TAS2R60: variants seen among roughly 807,000 people sequenced by gnomAD.
The protein encoded by TAS2R60 is taste receptor type 2 member 60.
Under a neutral mutation model 19.5 loss-of-function variants are expected in TAS2R60, and 16 were observed. The observed-to-expected ratio is 0.82, with a 90% CI of 0.55 to 1.24. The LOEUF (loss-of-function observed/expected upper bound fraction) is 1.24. Ranked by LOEUF, TAS2R60 falls within the 50% of genes most tolerant of loss-of-function variation. TAS2R60 has a pLI of 0.00. For missense variants in TAS2R60, 362 were observed against 382.7 expected (o/e 0.95, Z 0.45); for synonymous variants, 141 against 143.3 (o/e 0.98, Z 0.11).
the TAS2R60 span, chr7:143,444,016 C>G: frequency 1.7e-4 from 275 of 1,614,212 alleles, no homozygotes; most frequent in African/African-American, 3.0e-3. Flanking sequence ...TACGGAGCTA[C>G]TGTGAGAAAT....
In TAS2R60 at chr7:143,444,106, A is replaced by G. The variant is rs200500918; in HGVS notation, c.654A>G (p.Thr218=). The stretch of plus-strand genomic sequence containing the variant: ...TCATTTGCATGATTTTGCTCATCAC[A>G]TCTCTGGGAAGACACAGGAAGAAGG... The part of the protein sequence containing the change: ...VFFICMILLI[T]SLGRHRKKAL... The change falls in exon 1 of 1, where the codon ACA becomes ACG. Residue 218 remains threonine (T), a synonymous_variant. Transcript: ENST00000332690. 19 of 1,614,166 alleles carry G rather than the reference A, an allele frequency of 1.2e-5. No homozygotes were observed. In the East Asian group the frequency reaches 3.8e-4, roughly 32 times the overall value.
In TAS2R60 at chr7:143,444,006, T is replaced by C; in HGVS notation, c.554T>C (p.Ile185Thr). The change falls in exon 1 of 1, where the codon ATA (isoleucine) becomes ACA (threonine). Residue 185 changes from isoleucine (I) to threonine (T), a missense_variant. Coordinates refer to ENST00000332690, the MANE Select transcript of TAS2R60 (RefSeq NM_177437.1). ...LQPWNVTGDS[I>T]RSYCEKFYLF... ...CCTTGGAATGTCACTGGCGATAGCA[T>C]ACGGAGCTACTGTGAGAAATTCTAT... The C allele has an allele frequency of 6.2e-7, 1 of 1,614,224 alleles. No homozygotes were observed. Among genetic ancestry groups the C allele is most frequent in the Non-Finnish European group, 8.5e-7 (1 of 1,180,034 alleles).
chr7:143,443,718 A>G lies in TAS2R60; in HGVS notation c.266A>G (p.Tyr89Cys), dbSNP rs1289285724. The change falls in exon 1 of 1, where the codon TAC (tyrosine) becomes TGC (cysteine). Residue 89 changes from tyrosine to cysteine, a missense_variant. By Grantham distance (194) the Tyr-to-Cys change is radical. Transcript: ENST00000332690. ...TTCTTGCATCCGATGGCCTTCCCAT[A>G]CAACCCTGTACTGCAGTTTCTAGCT... ...YVFLHPMAFP[Y>C]NPVLQFLAFQ... is the part of the protein sequence containing the mutation. The G allele has an allele frequency of 6.2e-7, 1 of 1,614,020 alleles. No individual in the cohort carries two copies. Among genetic ancestry groups the G allele is most frequent in the African/African-American group, 1.3e-5 (1 of 74,898 alleles).
In TAS2R60 at chr7:143,443,941, C is replaced by A; in HGVS notation, c.489C>A (p.Asn163Lys). 1 of 1,614,146 alleles carries A rather than the reference C, an allele frequency of 6.2e-7. No homozygotes were observed. Among genetic ancestry groups the A allele is most frequent in the Non-Finnish European group, 8.5e-7 (1 of 1,180,044 alleles). ...CCACCATTCTATTTTTCATAGGCAA[C>A]CACAGAATGTATCAGAACTATTTAA... is the stretch of plus-strand genomic sequence containing the variant. ...SFTTILFFIG[N>K]HRMYQNYLRN... Residue 163 changes from asparagine to lysine, a missense_variant, in exon 1 of 1, where the codon AAC becomes AAA. By Grantham distance (94) the Asn-to-Lys change is moderately conservative. Coordinates refer to ENST00000332690, the MANE Select transcript of TAS2R60 (RefSeq NM_177437.1).
rs752295091 is a variant in TAS2R60, at chr7:143,443,605, G to A, written c.153G>A (p.Met51Ile). 6 of 1,614,198 alleles carry A rather than the reference G, an allele frequency of 3.7e-6. No homozygotes were observed. The South Asian group carries it at 6.6e-5, about 18-fold the overall frequency. The change falls in exon 1 of 1, where the codon ATG (methionine) becomes ATA (isoleucine). Residue 51 changes from methionine (M) to isoleucine (I), a missense_variant. By Grantham distance (10) the Met-to-Ile change is conservative (BLOSUM62 1). Transcript: ENST00000332690. ...GCGTGGAGTGGGTGCTACGGAGAAT[G>A]TTGTTGCCTTGTGATAAGTTATTGG... ...ALGVEWVLRR[M>I]LLPCDKLLVS... is the part of the protein sequence containing the mutation.
chr7:143,443,496 A>G lies in TAS2R60; in HGVS notation c.44A>G (p.Lys15Arg). ...HMVLGSSVTD[K>R]KAIILVTILL... is the part of the protein sequence containing the mutation. The stretch of plus-strand genomic sequence containing the variant: ...GTTCTAGGATCTTCGGTGACTGACA[A>G]GAAGGCCATCATCTTGGTTACCATT... The change falls in exon 1 of 1, where the codon AAG (lysine) becomes AGG (arginine). Residue 15 changes from lysine (K) to arginine (R), a missense_variant. Transcript: ENST00000332690. 1 of 1,613,770 alleles carries G rather than the reference A, an allele frequency of 6.2e-7. No individual in the cohort carries two copies. Among genetic ancestry groups the G allele is most frequent in the Non-Finnish European group, 8.5e-7 (1 of 1,179,828 alleles).
In TAS2R60 at chr7:143,444,050, A is replaced by C. The variant is rs770845479; in HGVS notation, c.598A>C (p.Ile200Leu). 11 of 1,614,212 alleles carry C rather than the reference A, an allele frequency of 6.8e-6. No homozygotes were observed. Among genetic ancestry groups the C allele is most frequent in the Admixed American group, 1.7e-5 (1 of 60,030 alleles). ...ATTCTATCTCTTCCCTCTAAAAATG[A>C]TTACTTGGACAATGCCCACTGCTGT... ...EKFYLFPLKM[I>L]TWTMPTAVFF... Residue 200 changes from isoleucine to leucine, a missense_variant, in exon 1 of 1, where the codon ATT (isoleucine) becomes CTT (leucine). Ile to Leu is a conservative substitution (Grantham distance 5, BLOSUM62 2). Transcript: ENST00000332690.
the TAS2R60 span, chr7:143,444,042 TA>T: frequency 6.2e-7 from 1 of 1,614,222 alleles, no homozygotes; most frequent in African/African-American, 1.3e-5. Flanking sequence ...CTCTTCCCTC[TA>T]AAAATGATTA....
Position 143,443,489 on chromosome 7 carries a change from A to G in TAS2R60, c.37A>G (p.Thr13Ala), listed in dbSNP as rs1806398148. The change falls in exon 1 of 1, where the codon ACT (threonine) becomes GCT (alanine). Residue 13 changes from threonine (T) to alanine (A), a missense_variant. Coordinates refer to ENST00000332690, the MANE Select transcript of TAS2R60 (RefSeq NM_177437.1). ...CCACATGGTTCTAGGATCTTCGGTG[A>G]CTGACAAGAAGGCCATCATCTTGGT... ...GDHMVLGSSV[T>A]DKKAIILVTI... 6.2e-7 allele frequency: 1 copy of G among 1,613,392 alleles called. No individual in the cohort carries two copies. The highest frequency in any genetic ancestry group is 1.3e-5 in the African/African-American group (1 of 74,900).
Position 143,444,197 on chromosome 7 carries a change from C to G in TAS2R60, c.745C>G (p.Leu249Val). Residue 249 changes from leucine (L) to valine (V), a missense_variant, in exon 1 of 1, where the codon CTC (leucine) becomes GTC (valine). Leu to Val is a conservative substitution (Grantham distance 32). Coordinates refer to ENST00000332690, the MANE Select transcript of TAS2R60 (RefSeq NM_177437.1). Reference protein sequence around the residue: ...VQAHIKALLALLSFAMLFISY... With the variant: ...VQAHIKALLAVLSFAMLFISY... Reference sequence around the variant, plus strand: ...GGCACACATAAAGGCTCTGCTGGCTCTCCTCTCTTTTGCCATGCTCTTCAT... The same window carrying G: ...GGCACACATAAAGGCTCTGCTGGCTGTCCTCTCTTTTGCCATGCTCTTCAT... 2 of 1,614,216 alleles carry G rather than the reference C, an allele frequency of 1.2e-6. No homozygotes were observed. Among genetic ancestry groups the G allele is most frequent in the African/African-American group, 1.3e-5 (1 of 75,074 alleles).
At position 143,443,754 on chromosome 7, in the gene TAS2R60, A is replaced by G; in HGVS notation, c.302A>G (p.Asp101Gly). Residue 101 changes from aspartate to glycine, a missense_variant, in exon 1 of 1, where the codon GAC becomes GGC. Physicochemically the swap from Asp to Gly is moderately conservative, Grantham distance 94 (BLOSUM62 -1). Coordinates refer to ENST00000332690, the MANE Select transcript of TAS2R60 (RefSeq NM_177437.1). ...CTGCAGTTTCTAGCTTTCCAGTGGGACTTCCTGAATGCTGCCACCTTATGG... is the reference window on the plus strand; with the variant it reads ...CTGCAGTTTCTAGCTTTCCAGTGGGGCTTCCTGAATGCTGCCACCTTATGG... ...PVLQFLAFQW[D>G]FLNAATLWSS... 6.2e-7 allele frequency: 1 copy of G among 1,613,880 alleles called. No individual in the cohort carries two copies. The highest frequency in any genetic ancestry group is 8.5e-7 in the Non-Finnish European group (1 of 1,179,974).
In TAS2R60 at chr7:143,444,213, T is replaced by C; in HGVS notation, c.761T>C (p.Met254Thr). Reference protein sequence around the residue: ...KALLALLSFAMLFISYFLSLV... With the variant: ...KALLALLSFATLFISYFLSLV... ...CTGCTGGCTCTCCTCTCTTTTGCCA[T>C]GCTCTTCATCTCATATTTCCTGTCA... Residue 254 changes from methionine (M) to threonine (T), a missense_variant, in exon 1 of 1, where the codon ATG becomes ACG. Physicochemically the swap from Met to Thr is moderately conservative, Grantham distance 81. Transcript: ENST00000332690. 6.2e-7 allele frequency: 1 copy of C among 1,614,224 alleles called. No homozygotes were observed. Among genetic ancestry groups the C allele is most frequent in the Non-Finnish European group, 8.5e-7 (1 of 1,180,044 alleles).
Position 143,444,260 on chromosome 7 carries a change from A to G in TAS2R60, c.808A>G (p.Ile270Val). 1.2e-6 allele frequency: 2 copies of G among 1,613,954 alleles called. No homozygotes were observed. The highest frequency in any genetic ancestry group is 1.7e-6 in the Non-Finnish European group (2 of 1,179,996). The change falls in exon 1 of 1, where the codon ATT becomes GTT. Residue 270 changes from isoleucine to valine, a missense_variant. Physicochemically the swap from Ile to Val is conservative, Grantham distance 29. Transcript: ENST00000332690. ...FLSLVFSAAG[I>V]FPPLDFKFWV... ...GTCACTGGTGTTCAGTGCTGCAGGTATTTTTCCACCTCTGGACTTTAAATT... is the reference window on the plus strand; with the variant it reads ...GTCACTGGTGTTCAGTGCTGCAGGTGTTTTTCCACCTCTGGACTTTAAATT...
rs1198844179 is a variant in TAS2R60, at chr7:143,444,315, G to C, written c.863G>C (p.Cys288Ser). 1 of 1,613,790 alleles carries C rather than the reference G, an allele frequency of 6.2e-7. No homozygotes were observed. Among genetic ancestry groups the C allele is most frequent in the Non-Finnish European group, 8.5e-7 (1 of 1,180,034 alleles). The change falls in exon 1 of 1, where the codon TGT (cysteine) becomes TCT (serine). Residue 288 changes from cysteine (C) to serine (S), a missense_variant. Cys to Ser is a moderately radical substitution (Grantham distance 112, BLOSUM62 -1). Transcript: ENST00000332690. ...FWVWESVIYL[C>S]AAVHPIILLF... ...GTGTGGGAGTCAGTGATTTATCTGT[G>C]TGCAGCAGTTCACCCCATCATTCTG...
At position 143,443,772 on chromosome 7, in the gene TAS2R60, C is replaced by A. The variant is rs1806405189; in HGVS notation, c.320C>A (p.Thr107Asn). 6.2e-7 allele frequency: 1 copy of A among 1,613,704 alleles called. No homozygotes were observed. The highest frequency in any genetic ancestry group is 8.5e-7 in the Non-Finnish European group (1 of 1,180,028). ...AFQWDFLNAA[T>N]LWSSTWLSVF... ...CAGTGGGACTTCCTGAATGCTGCCA[C>A]CTTATGGTCCTCTACCTGGCTCAGT... Residue 107 changes from threonine to asparagine, a missense_variant, in exon 1 of 1, where the codon ACC (threonine) becomes AAC (asparagine). Physicochemically the swap from Thr to Asn is moderately conservative, Grantham distance 65 (BLOSUM62 0). Transcript: ENST00000332690.
rs1321287368 is a variant in TAS2R60 at position 143,443,961 on chromosome 7, A to G, written c.509A>G (p.Tyr170Cys). The G allele has an allele frequency of 3.1e-6, 5 of 1,614,166 alleles. No homozygotes were observed. Among genetic ancestry groups the G allele is most frequent in the East Asian group, 2.2e-5 (1 of 44,892 alleles). Residue 170 changes from tyrosine to cysteine, a missense_variant, in exon 1 of 1, where the codon TAT becomes TGT. Physicochemically the swap from Tyr to Cys is radical, Grantham distance 194. Coordinates refer to ENST00000332690, the MANE Select transcript of TAS2R60 (RefSeq NM_177437.1). Reference sequence around the variant, plus strand: ...GGCAACCACAGAATGTATCAGAACTATTTAAGGAACCATCTACAACCTTGG... The same window carrying G: ...GGCAACCACAGAATGTATCAGAACTGTTTAAGGAACCATCTACAACCTTGG... ...FIGNHRMYQN[Y>C]LRNHLQPWNV...
At chr7:143,443,689 T>A in the TAS2R60 span, 11 of 1,614,184 alleles carry the variant, frequency 6.8e-6, no homozygotes, top group African/African-American at 1.3e-5. Context: ...AGACCATTTA[T>A]GTTTTCTTGC....
chr7:143,443,752 G>A, the TAS2R60 span: 1 of 1,613,938 alleles, frequency 6.2e-7, no homozygotes, highest in African/African-American at 1.3e-5. Context: ...CTTTCCAGTG[G>A]GACTTCCTGA....
chr7:143,444,329 C>T lies in TAS2R60; in HGVS notation c.877C>T (p.Pro293Ser), dbSNP rs1363665702. 6.2e-7 allele frequency: 1 copy of T among 1,613,396 alleles called. No individual in the cohort carries two copies. The highest frequency in any genetic ancestry group is 1.1e-5 in the South Asian group (1 of 91,072). ...GATTTATCTGTGTGCAGCAGTTCAC[C>T]CCATCATTCTGCTCTTCAGCAACTG... Reference protein sequence around the residue: ...SVIYLCAAVHPIILLFSNCRL... With the variant: ...SVIYLCAAVHSIILLFSNCRL... The change falls in exon 1 of 1, where the codon CCC becomes TCC. Residue 293 changes from proline (P) to serine (S), a missense_variant. Coordinates refer to ENST00000332690, the MANE Select transcript of TAS2R60 (RefSeq NM_177437.1).
Sources: gnomAD v4.1 joint callset for allele counts on GRCh38, gnomAD v4.1.1 for gene constraint, MANE v1.5 for transcripts, NCBI Gene and HGNC (gene_info 2026-07-23, HGNC 2026-07-21) for gene names.